The following AKAP8L variants were observed in gnomAD, a reference collection of about 807,000 sequenced individuals.
AKAP8L encodes the protein A-kinase anchor protein 8-like.
In AKAP8L, 34 loss-of-function variants were observed where a neutral mutation model predicts 77.5. The observed-to-expected ratio is 0.44, with a 90% CI of 0.33 to 0.58. The LOEUF (loss-of-function observed/expected upper bound fraction) is 0.58, where lower values mean the gene tolerates loss of function less well. AKAP8L is among the 20% of genes least tolerant of loss of function. AKAP8L has a pLI of 0.02. For missense variants in AKAP8L, 806 were observed against 887.6 expected (o/e 0.91, Z 1.17); for synonymous variants, 342 against 340.7 (o/e 1.00, Z -0.04).
chr19:15,403,491 C>T lies in AKAP8L; in HGVS notation c.346G>A (p.Gly116Ser), dbSNP rs1013877087. ...TCCACTCACCTTTCTCCACCTGAGCCGTACACGCCTCCTTGCATCATGTCT... is the reference window on the plus strand; with the variant it reads ...TCCACTCACCTTTCTCCACCTGAGCTGTACACGCCTCCTTGCATCATGTCT... Reference protein sequence around the residue: ...ETDMMQGGVYGSGGERYDSYE... With the variant: ...ETDMMQGGVYSSGGERYDSYE... The change falls in exon 4 of 14, where the codon GGC (glycine) becomes AGC (serine). Residue 116 changes from glycine (G) to serine (S), a missense_variant. By Grantham distance (56) the Gly-to-Ser change is moderately conservative. This residue lies in a region of AKAP8L where 580 missense variants were observed against 694.1 expected (regional missense o/e 0.84). Transcript: ENST00000397410. This position sits in a 1 kb window ranked among gnomAD's most constrained non-coding sequence, Gnocchi z 4.3. 5.0e-6 allele frequency: 8 copies of T among 1,613,922 alleles called. No homozygotes were observed. Among genetic ancestry groups the T allele is most frequent in the East Asian group, 2.2e-5 (1 of 44,878 alleles).
intron 8 of AKAP8L, 108 bp downstream of exon 8, chr19:15,400,187 G>T: frequency 3.4e-6 from 4 of 1,160,668 alleles, no homozygotes; most frequent in Admixed American, 3.5e-5. Flanking sequence ...CACAAGGGAG[G>T]TCCCCAACTG....
At position 15,380,141 on chromosome 19, in the gene AKAP8L, CCCT is replaced by C. The variant is rs1162821262; in HGVS notation, c.1919_1921del (p.Glu640del). The stretch of plus-strand genomic sequence containing the variant: ...CTCGGGTCACGGGGCGCCCCCGCCG[CCCT>C]CCTCGTCGTCCTCCACGTCGAGGCC... On this transcript the variant is annotated inframe_deletion, in exon 14 of 14. Transcript: ENST00000397410. 2 of 1,499,342 alleles carry C rather than the reference CCCT, an allele frequency of 1.3e-6. No homozygotes were observed. Among genetic ancestry groups the C allele is most frequent in the South Asian group, 2.5e-5 (2 of 80,604 alleles). 92.9% of individuals were successfully genotyped at this position (1,499,342 alleles called of 1,614,324 possible).
chr19:15,411,049 A>T (rs1293847507), intron 1 of AKAP8L, among the ~76,000 whole-genome samples: 1 of 152,160 alleles, frequency 6.6e-6, no homozygotes, highest in Non-Finnish European at 1.5e-5. Flanking sequence ...CCTAGGCTTA[A>T]GCAATCCACC....
chr19:15,396,201 G>A (rs1474076791), intron 12 of AKAP8L, among the ~76,000 whole-genome samples: 1 of 151,936 alleles, frequency 6.6e-6, no homozygotes, highest in Non-Finnish European at 1.5e-5. Context: ...GGAAGAAGAT[G>A]GAGAAATGCT....
intron 1 of AKAP8L, among the ~76,000 whole-genome samples, chr19:15,414,715 C>G (rs1274413007): frequency 6.6e-6 from 1 of 152,074 alleles, no homozygotes; most frequent in Non-Finnish European, 1.5e-5. Context: ...GTCTCGATCT[C>G]CTGACCTCGT....
In AKAP8L at chr19:15,381,928, G is replaced by C. The variant is rs1208660647; in HGVS notation, c.1537-1316C>G. Reference sequence around the variant, plus strand: ...TTCTAACCAGGTTTGGTTTCAAAGTGATAGTGCCCAATTAACTGCAGAACA... The same window carrying C: ...TTCTAACCAGGTTTGGTTTCAAAGTCATAGTGCCCAATTAACTGCAGAACA... On this transcript the variant is annotated intron_variant, in intron 12 of 13. Transcript: ENST00000397410. 7.9e-5 allele frequency: 12 copies of C among 152,290 alleles called. No individual in the cohort carries two copies. In the East Asian group the frequency reaches 1.9e-3, roughly 24 times the overall value. The allele number at this position is 152,290 out of a possible 1,614,324, so 9.4% of individuals were successfully genotyped here. A position where few individuals can be genotyped will look rare whatever the true frequency, so the allele number is the denominator to read the frequency against.
chr19:15,400,139 G>T lies in AKAP8L; in HGVS notation c.1048+156C>A. On this transcript the variant is annotated intron_variant, in intron 8 of 13. Transcript: ENST00000397410. ...GGAAGAGTGGGAAGGGGGTGGAGGC[G>T]GCGAAAAGAAAGCCCCCTGCCAGCA... 4 of 700,246 alleles carry T rather than the reference G, an allele frequency of 5.7e-6. No individual in the cohort carries two copies. The South Asian group carries it at 6.9e-5, about 12-fold the overall frequency. The allele number at this position is 700,246 out of a possible 1,614,324, so 43.4% of individuals were successfully genotyped here.
At position 15,397,895 on chromosome 19, in the gene AKAP8L, T is replaced by C; in HGVS notation, c.1158-40A>G. 1.2e-6 allele frequency: 2 copies of C among 1,602,976 alleles called. No homozygotes were observed. The highest frequency in any genetic ancestry group is 1.7e-6 in the Non-Finnish European group (2 of 1,175,096). ...AAACGAGGGGCTGAGGCTGCAAGTG[T>C]CCCAGGGGATAGTGCTGCCGCCTCA... On this transcript the variant is annotated intron_variant, in intron 9 of 13. Coordinates refer to ENST00000397410, the MANE Select transcript of AKAP8L (RefSeq NM_014371.4). The surrounding 1 kb of genome is among the most constrained non-coding windows in gnomAD (Gnocchi z 4.7).
rs566613756 is a variant in AKAP8L at position 15,389,501 on chromosome 19, G to A, written c.1536+7649C>T. 9.2e-5 allele frequency among the ~76,000 whole-genome samples: 14 copies of A among 152,304 alleles called. No individual in the cohort carries two copies. In the South Asian group the frequency reaches 2.9e-3, roughly 32 times the overall value. On this transcript the variant is annotated intron_variant, in intron 12 of 13. Transcript: ENST00000397410. Reference sequence around the variant, plus strand: ...CATCAAAGCAGCTCAGGCCGGGCGTGGTGGCTCACGCCTGTAATCCCAGCA... The same window carrying A: ...CATCAAAGCAGCTCAGGCCGGGCGTAGTGGCTCACGCCTGTAATCCCAGCA...
Position 15,399,563 on chromosome 19 carries a change from T to A in AKAP8L, c.1049-153A>T. 1 of 660,518 alleles carries A rather than the reference T, an allele frequency of 1.5e-6. No homozygotes were observed. Among genetic ancestry groups the A allele is most frequent in the Non-Finnish European group, 2.7e-6 (1 of 367,626 alleles). 40.9% of individuals were successfully genotyped at this position (660,518 alleles called of 1,614,324 possible). ...CTCTGGCCATGAGCAGGGCTGGGTA[T>A]CCTGGGCTGTGCAGGGAGTGGGTTT... On this transcript the variant is annotated intron_variant, in intron 8 of 13. Coordinates refer to ENST00000397410, the MANE Select transcript of AKAP8L (RefSeq NM_014371.4). This position sits in a 1 kb window ranked among gnomAD's most constrained non-coding sequence, Gnocchi z 6.1.
chr19:15,380,704 G>A, intron 12 of AKAP8L, 92 bp from the exon 13 acceptor site: 7 of 1,168,354 alleles, frequency 6.0e-6, no homozygotes, highest in Non-Finnish European at 8.7e-6. Context: ...ACCCCACCCC[G>A]CCCCTGCACC....
At position 15,404,079 on chromosome 19, in the gene AKAP8L, C is replaced by T. The variant is rs373455245; in HGVS notation, c.89-37G>A. ...AAAAGGGCAGTTACATCTATACTTGCTTACAATACAAGGCCATAATTCAGG... is the reference window on the plus strand; with the variant it reads ...AAAAGGGCAGTTACATCTATACTTGTTTACAATACAAGGCCATAATTCAGG... On this transcript the variant is annotated intron_variant, in intron 2 of 13. Coordinates refer to ENST00000397410, the MANE Select transcript of AKAP8L (RefSeq NM_014371.4). 5.8e-5 allele frequency: 93 copies of T among 1,606,044 alleles called. No homozygotes were observed. In the African/African-American group the frequency reaches 1.0e-3, roughly 18 times the overall value.
chr19:15,388,585 A>G (rs1418432387), intron 12 of AKAP8L, among the ~76,000 whole-genome samples: 1 of 152,170 alleles, frequency 6.6e-6, no homozygotes, highest in Non-Finnish European at 1.5e-5. Flanking sequence ...GACACCAAAA[A>G]TCCATTTGAA....
In AKAP8L at chr19:15,399,922, TA is replaced by T; in HGVS notation, c.1048+372del. ...GGAGAGGATACGCACACCAGAGCCG[TA>T]AAAACTGCACCGAGGGTCCCAGATC... On this transcript the variant is annotated intron_variant, in intron 8 of 13. Transcript: ENST00000397410. The surrounding 1 kb of genome is among the most constrained non-coding windows in gnomAD (Gnocchi z 6.1). 2.7e-6 allele frequency: 1 copy of T among 363,940 alleles called. No individual in the cohort carries two copies. Among genetic ancestry groups the T allele is most frequent in the Non-Finnish European group, 5.1e-6 (1 of 197,032 alleles). 22.5% of individuals were successfully genotyped at this position (363,940 alleles called of 1,614,324 possible).
At chr19:15,404,127 C>T (rs1459078282) in intron 2 of AKAP8L, 85 bp from the exon 3 acceptor site, 1 of 1,441,730 alleles carries the variant, frequency 6.9e-7, no homozygotes, top group Non-Finnish European at 9.7e-7. Flanking sequence ...TTCCCAGGAC[C>T]TGACTGGTCA....
At chr19:15,389,732 T>C (rs575451898) in intron 12 of AKAP8L, among the ~76,000 whole-genome samples, 93 of 152,032 alleles carry the variant, frequency 6.1e-4, no homozygotes, top group Non-Finnish European at 1.1e-3. Flanking sequence ...GATTGTGCCA[T>C]TGCACTCCAG....
At chr19:15,408,430 G>A (rs1968042067) in intron 2 of AKAP8L, among the ~76,000 whole-genome samples, 1 of 152,094 alleles carries the variant, frequency 6.6e-6, no homozygotes, top group Non-Finnish European at 1.5e-5. Context: ...AGGCGTGGTG[G>A]CACATGCCTG....
Position 15,397,390 on chromosome 19 carries a change from C to A in AKAP8L, c.1406-110G>T. ...TCCTCAACTCGCCCTGCCACTTCCA[C>A]CTGGGCCTGAGCCAAGGCTGGTCTC... is the stretch of plus-strand genomic sequence containing the variant. On this transcript the variant is annotated intron_variant, in intron 11 of 13. Transcript: ENST00000397410. This position sits in a 1 kb window ranked among gnomAD's most constrained non-coding sequence, Gnocchi z 4.7. 1.3e-6 allele frequency: 2 copies of A among 1,509,034 alleles called. No individual in the cohort carries two copies. The highest frequency in any genetic ancestry group is 2.1e-4 in the Middle Eastern group (1 of 4,720). 93.5% of individuals were successfully genotyped at this position (1,509,034 alleles called of 1,614,324 possible). A position where few individuals can be genotyped will look rare whatever the true frequency, so the allele number is the denominator to read the frequency against.
chr19:15,406,813 A>T (rs1443912287), intron 2 of AKAP8L, among the ~76,000 whole-genome samples: 1 of 152,214 alleles, frequency 6.6e-6, no homozygotes, highest in Admixed American at 6.5e-5. Context: ...ACAGTATGTG[A>T]TATTTATGGA....
Sources: gnomAD v4.1 joint callset for allele counts (sites outside exome capture counted in the v4.1 genomes callset) on GRCh38, gnomAD v4.1.1 for gene constraint, gnomAD v4.1.1 regional missense constraint, Gnocchi (gnomAD v3.1) non-coding constraint, MANE v1.5 for transcripts, NCBI Gene and HGNC (gene_info 2026-07-23, HGNC 2026-07-21) for gene names.